Variants in RANBP2 observed in about 807,000 individuals in gnomAD.
The protein encoded by RANBP2 is RAN binding protein 2, also known as E3 SUMO-protein ligase RanBP2.
RANBP2 carries 57 observed loss-of-function variants against 303.6 expected under a neutral mutation model. That is an observed-to-expected ratio of 0.19 (90% CI 0.15 to 0.23). The LOEUF (loss-of-function observed/expected upper bound fraction) is 0.23. Ranked by LOEUF, RANBP2 falls within the 10% of genes least tolerant of loss-of-function variation. RANBP2 has a pLI of 1.00. For synonymous variants in RANBP2, 1,167 were observed against 1,301.5 expected, an observed-to-expected ratio of 0.90 and a Z score of 2.23; for missense variants, 3,138 against 3,780.8, an observed-to-expected ratio of 0.83 and a Z score of 4.46.
chr2:108,726,907 C>T (rs1694760634), intron 1 of RANBP2, among the ~76,000 whole-genome samples: 2 of 152,132 alleles, frequency 1.3e-5, no homozygotes, highest in East Asian at 3.9e-4. Context: ...CCATTTAACC[C>T]TGGGTGGACA....
chr2:109,577,280 A>G, the RANBP2 span, among the ~76,000 whole-genome samples: 1 of 152,198 alleles, frequency 6.6e-6, no homozygotes, highest in Non-Finnish European at 1.5e-5. Context: ...CTGGCCATAT[A>G]ATAATACCTC....
At chr2:108,839,358 G>T in the RANBP2 span, 1 of 1,399,936 alleles carries the variant, frequency 7.1e-7, no homozygotes, top group South Asian at 1.3e-5. Flanking sequence ...ATTACTTCTT[G>T]ATCTTGTTTC....
At chr2:108,919,110 G>A in the RANBP2 span, among the ~76,000 whole-genome samples, 2 of 152,192 alleles carry the variant, frequency 1.3e-5, no homozygotes, top group Non-Finnish European at 2.9e-5. Context: ...TCTGAGCCAG[G>A]AGCAACTGAG....
At chr2:109,370,974 TA>T in the RANBP2 span, among the ~76,000 whole-genome samples, 1 of 152,260 alleles carries the variant, frequency 6.6e-6, no homozygotes, top group Admixed American at 6.5e-5. Flanking sequence ...AATTTATTTT[TA>T]TTCCAAATAT....
chr2:109,057,708 T>A, the RANBP2 span, among the ~76,000 whole-genome samples: 1 of 152,076 alleles, frequency 6.6e-6, no homozygotes, highest in Admixed American at 6.6e-5. Flanking sequence ...TGGGGAGAGG[T>A]GCAGGCTGAG....
chr2:109,625,025 G>A, the RANBP2 span, among the ~76,000 whole-genome samples: 27 of 145,666 alleles, frequency 1.9e-4, no homozygotes, highest in South Asian at 8.8e-4. Context: ...AGCTTTTAGT[G>A]AGTGGAGATG....
chr2:109,353,792 C>T, the RANBP2 span, among the ~76,000 whole-genome samples: 1 of 152,298 alleles, frequency 6.6e-6, no homozygotes, highest in Non-Finnish European at 1.5e-5. Flanking sequence ...TGTGTGCATG[C>T]GTGTGTCCGT....
the RANBP2 span, among the ~76,000 whole-genome samples, chr2:109,384,549 C>T: frequency 1.3e-5 from 2 of 152,044 alleles, no homozygotes; most frequent in Non-Finnish European, 2.9e-5. Flanking sequence ...GGGGTTCCCG[C>T]AGGTCACTCT....
the RANBP2 span, among the ~76,000 whole-genome samples, chr2:109,163,390 CTTTTTTTTTTTTT>C: frequency 1.3e-4 from 9 of 70,268 alleles, 1 homozygote; most frequent in Non-Finnish European, 2.2e-4. Flanking sequence ...AGCAAATATT[CTTTTTTTTTTTTT>C]TTTTTTTTTT....
intron 23 of RANBP2, 149 bp from the exon 24 acceptor site, chr2:108,775,583 T>G: frequency 1.3e-6 from 1 of 742,442 alleles, no homozygotes; most frequent in Non-Finnish European, 2.3e-6. Context: ...GGCATTTAGT[T>G]ATAGGTTTTG....
the RANBP2 span, among the ~76,000 whole-genome samples, chr2:109,586,164 G>T: frequency 1.3e-5 from 2 of 152,032 alleles, no homozygotes; most frequent in Admixed American, 1.3e-4. Flanking sequence ...ATTTGTTTAT[G>T]ATAAAAACTT....
the RANBP2 span, among the ~76,000 whole-genome samples, chr2:109,138,950 C>T: frequency 6.6e-6 from 1 of 152,298 alleles, no homozygotes; most frequent in South Asian, 2.1e-4. Flanking sequence ...AACAAATAGC[C>T]AATAGGTATC....
At chr2:109,437,141 C>T in the RANBP2 span, 1 of 1,609,046 alleles carries the variant, frequency 6.2e-7, no homozygotes, top group African/African-American at 1.3e-5. Context: ...AGCACCATTT[C>T]AACAGGTACC....
chr2:109,348,537 C>T, the RANBP2 span, among the ~76,000 whole-genome samples: 5 of 152,198 alleles, frequency 3.3e-5, no homozygotes, highest in African/African-American at 1.2e-4. Context: ...GGGTGAGGTG[C>T]AGAAGAGACT....
chr2:109,430,329 T>G, the RANBP2 span, among the ~76,000 whole-genome samples: 3 of 152,236 alleles, frequency 2.0e-5, no homozygotes, highest in African/African-American at 4.8e-5. Context: ...AGCAGGCACA[T>G]CAATTTGTGC....
chr2:108,953,392 T>C, the RANBP2 span, among the ~76,000 whole-genome samples: 1 of 152,300 alleles, frequency 6.6e-6, no homozygotes, highest in Non-Finnish European at 1.5e-5. Flanking sequence ...CCACAAATTG[T>C]AGATACTTTA....
chr2:108,747,812 A>G lies in RANBP2; in HGVS notation c.1063+1014A>G, dbSNP rs566202848. Among the ~76,000 whole-genome samples the G allele has an allele frequency of 2.3e-3, 353 of 152,320 alleles. 4 individuals are homozygous for G. Among genetic ancestry groups the G allele is most frequent in the African/African-American group, 7.4e-3 (308 of 41,572 alleles). On this transcript the variant is annotated intron_variant, in intron 8 of 28. Coordinates refer to ENST00000283195, the MANE Select transcript of RANBP2 (RefSeq NM_006267.5). ...AAAAAGTTCAATTGAAATATAATTC[A>G]TATACCATACGCTTCACCCATTTAA... is the stretch of plus-strand genomic sequence containing the variant.
chr2:109,637,638 G>T, the RANBP2 span, among the ~76,000 whole-genome samples: 1 of 152,190 alleles, frequency 6.6e-6, no homozygotes, highest in Non-Finnish European at 1.5e-5. Context: ...GGCACATCCT[G>T]CACAGCCCTA....
the RANBP2 span, among the ~76,000 whole-genome samples, chr2:109,509,382 C>T: frequency 2.0e-5 from 3 of 152,260 alleles, no homozygotes; most frequent in Admixed American, 2.0e-4. Context: ...GAAATATATT[C>T]TCTCAAAGTG....
Sources: gnomAD v4.1 joint callset for allele counts (sites outside exome capture counted in the v4.1 genomes callset) on GRCh38, gnomAD v4.1.1 for gene constraint, MANE v1.5 for transcripts, NCBI Gene and HGNC (gene_info 2026-07-23, HGNC 2026-07-21) for gene names.